Variants in SOBP observed in about 807,000 individuals in gnomAD.
SOBP encodes sine oculis-binding protein homolog.
In SOBP, 4 loss-of-function variants were observed where a neutral mutation model predicts 53.6. That is an observed-to-expected ratio of 0.07 (90% CI 0.04 to 0.17). The LOEUF (loss-of-function observed/expected upper bound fraction) is 0.17, where lower values mean the gene tolerates loss of function less well. SOBP is among the 10% of genes least tolerant of loss of function. The pLI, the probability that SOBP is intolerant of heterozygous loss-of-function variation, is 1.00. For synonymous variants in SOBP, 584 were observed against 522.6 expected (o/e 1.12, Z -1.60); for missense variants, 1,088 against 1,204.7 (o/e 0.90, Z 1.43).
intron 4 of SOBP, 142 bp downstream of exon 4, chr6:107,533,752 G>C: frequency 9.3e-7 from 1 of 1,073,348 alleles, no homozygotes; most frequent in South Asian, 1.4e-5. Flanking sequence ...TTCCCCTTTT[G>C]TGTCATGCTT....
At chr6:107,630,175 T>C (rs1478857464) in intron 5 of SOBP, among the ~76,000 whole-genome samples, 1 of 152,236 alleles carries the variant, frequency 6.6e-6, no homozygotes, top group East Asian at 1.9e-4. Flanking sequence ...CGTAAATCCC[T>C]GCACTTCTTA....
intron 6 of SOBP, among the ~76,000 whole-genome samples, chr6:107,636,920 A>G (rs1196209806): frequency 6.6e-6 from 1 of 152,212 alleles, no homozygotes; most frequent in Non-Finnish European, 1.5e-5. Context: ...AACTTGCCCA[A>G]GATTTTACCA....
chr6:107,567,485 A>C (rs1784952995), intron 4 of SOBP, among the ~76,000 whole-genome samples: 1 of 152,192 alleles, frequency 6.6e-6, no homozygotes, highest in Admixed American at 6.5e-5. Flanking sequence ...AATCTTAACC[A>C]GGCAGAAAAT....
chr6:107,543,966 G>C (rs1328156060), intron 4 of SOBP, among the ~76,000 whole-genome samples: 3 of 152,154 alleles, frequency 2.0e-5, no homozygotes, highest in African/African-American at 7.2e-5. Flanking sequence ...GTGGTTAGCT[G>C]TTATTCCCAT....
intron 3 of SOBP, among the ~76,000 whole-genome samples, chr6:107,517,007 A>G (rs184349313): frequency 5.9e-5 from 9 of 152,314 alleles, no homozygotes; most frequent in South Asian, 2.1e-4. Context: ...TGGAAATTAA[A>G]AAGTTGTTTT....
chr6:107,576,461 C>T (rs1036111023), intron 4 of SOBP, among the ~76,000 whole-genome samples: 1 of 152,186 alleles, frequency 6.6e-6, no homozygotes, highest in Admixed American at 6.5e-5. Flanking sequence ...CTGTCCCAGG[C>T]CAGAGCAGTG....
At chr6:107,589,014 C>T (rs1785660368) in intron 5 of SOBP, among the ~76,000 whole-genome samples, 1 of 152,028 alleles carries the variant, frequency 6.6e-6, no homozygotes. Flanking sequence ...TTATGAAGCC[C>T]TGAGAAGTTA....
chr6:107,540,476 A>T (rs541611133), intron 4 of SOBP, among the ~76,000 whole-genome samples: 14 of 152,112 alleles, frequency 9.2e-5, no homozygotes, highest in Admixed American at 3.9e-4. Flanking sequence ...GTTACAATCC[A>T]CTCTTAGGGT....
chr6:107,576,540 CA>C (rs1232269944), intron 4 of SOBP, among the ~76,000 whole-genome samples: 2 of 152,196 alleles, frequency 1.3e-5, no homozygotes, highest in East Asian at 3.9e-4. Flanking sequence ...AGGCCATACC[CA>C]TGAAGGATAG....
chr6:107,639,933 G>GA (rs1771234370), intron 6 of SOBP, among the ~76,000 whole-genome samples: 1 of 152,144 alleles, frequency 6.6e-6, no homozygotes, highest in African/African-American at 2.4e-5. Context: ...AAACCAGAAA[G>GA]AAAATATAAG....
intron 5 of SOBP, among the ~76,000 whole-genome samples, chr6:107,625,700 G>A (rs547028137): frequency 5.9e-5 from 9 of 152,204 alleles, no homozygotes; most frequent in Admixed American, 2.0e-4. Flanking sequence ...AGTCCCTGGC[G>A]TGGGGGTTGG....
intron 5 of SOBP, among the ~76,000 whole-genome samples, chr6:107,616,087 G>GGA (rs1266309863): frequency 7.8e-6 from 1 of 128,242 alleles, no homozygotes; most frequent in African/African-American, 3.0e-5. Context: ...AGGGGGGTGG[G>GGA]GGGGGGGCGG....
At chr6:107,531,946 A>C (rs1783835220) in intron 3 of SOBP, among the ~76,000 whole-genome samples, 2 of 152,148 alleles carry the variant, frequency 1.3e-5, no homozygotes, top group African/African-American at 4.8e-5. Context: ...ACTACAAATT[A>C]GTTTGCTTCT....
At chr6:107,540,833 G>A (rs549621286) in intron 4 of SOBP, among the ~76,000 whole-genome samples, 2 of 152,260 alleles carry the variant, frequency 1.3e-5, no homozygotes, top group African/African-American at 2.4e-5. Context: ...GGCTCACTGT[G>A]TCTATGTTGA....
intron 6 of SOBP, among the ~76,000 whole-genome samples, chr6:107,642,920 A>G (rs901127995): frequency 6.6e-6 from 1 of 152,234 alleles, no homozygotes; most frequent in Non-Finnish European, 1.5e-5. Flanking sequence ...ATTTCCCCAG[A>G]TATGTTTTTG....
At chr6:107,621,728 C>T (rs945985398) in intron 5 of SOBP, among the ~76,000 whole-genome samples, 13 of 152,132 alleles carry the variant, frequency 8.5e-5, no homozygotes, top group East Asian at 1.9e-4. Flanking sequence ...AACTCTGGCC[C>T]GGGTGACTGG....
At chr6:107,529,105 C>T (rs1247243495) in intron 3 of SOBP, among the ~76,000 whole-genome samples, 1 of 152,196 alleles carries the variant, frequency 6.6e-6, no homozygotes, top group African/African-American at 2.4e-5. Flanking sequence ...CTTGTATGTT[C>T]ACTCCTAGAA....
At chr6:107,562,140 C>T (rs779728045) in intron 4 of SOBP, among the ~76,000 whole-genome samples, 1 of 151,148 alleles carries the variant, frequency 6.6e-6, no homozygotes, top group East Asian at 2.0e-4. Context: ...AAGTGATTCT[C>T]GTGCCTCAGC....
intron 6 of SOBP, among the ~76,000 whole-genome samples, chr6:107,648,780 G>A (rs985581025): frequency 6.6e-6 from 1 of 152,056 alleles, no homozygotes; most frequent in Non-Finnish European, 1.5e-5. Context: ...AACCCTTCCT[G>A]GCAAAGTTAT....
Sources: allele counts gnomAD v4.1 joint callset (sites outside exome capture counted in the v4.1 genomes callset), GRCh38; gene constraint gnomAD v4.1.1; transcripts MANE v1.5; gene names NCBI Gene and HGNC (gene_info 2026-07-23, HGNC 2026-07-21).